Variants in SSBP3 observed in about 807,000 individuals in gnomAD.
SSBP3 encodes single-stranded DNA-binding protein 3.
Under a neutral mutation model 69.6 loss-of-function variants are expected in SSBP3, and 5 were observed. That is an observed-to-expected ratio of 0.07 (90% CI 0.04 to 0.15). The LOEUF (loss-of-function observed/expected upper bound fraction) is 0.15, where lower values mean the gene tolerates loss of function less well. Ranked by LOEUF, SSBP3 falls within the 10% of genes least tolerant of loss-of-function variation. SSBP3 has a pLI of 1.00. For synonymous variants in SSBP3, 196 were observed against 193.4 expected (o/e 1.01, Z -0.11); for missense variants, 312 against 534.0 (o/e 0.58, Z 4.10).
At chr1:54,337,024 A>T (rs2100494983) in intron 4 of SSBP3, among the ~76,000 whole-genome samples, 2 of 152,340 alleles carry the variant, frequency 1.3e-5, no homozygotes, top group East Asian at 3.9e-4. Flanking sequence ...GTATCTTGAC[A>T]GCTCTCAACG....
At chr1:54,366,513 G>T (rs1647031971) in intron 4 of SSBP3, among the ~76,000 whole-genome samples, 1 of 152,046 alleles carries the variant, frequency 6.6e-6, no homozygotes, top group East Asian at 1.9e-4. Context: ...AGTAAACTAG[G>T]GGCCTTCATT....
At chr1:54,281,826 G>A (rs1645398015) in intron 4 of SSBP3, among the ~76,000 whole-genome samples, 2 of 152,110 alleles carry the variant, frequency 1.3e-5, no homozygotes, top group South Asian at 4.1e-4. Flanking sequence ...GCCGGATGTG[G>A]TGGCTCACAA....
At chr1:54,390,906 G>A (rs1354039660) in intron 4 of SSBP3, among the ~76,000 whole-genome samples, 1 of 152,216 alleles carries the variant, frequency 6.6e-6, no homozygotes, top group Admixed American at 6.5e-5. Context: ...AAAAGCCGGC[G>A]AGCAGAGACC....
At chr1:54,292,624 C>T (rs1228706888) in intron 4 of SSBP3, among the ~76,000 whole-genome samples, 1 of 152,172 alleles carries the variant, frequency 6.6e-6, no homozygotes, top group Non-Finnish European at 1.5e-5. Context: ...GTTTGTCGCA[C>T]TCAGACCAGA....
chr1:54,372,647 A>G (rs1282777746), intron 4 of SSBP3, among the ~76,000 whole-genome samples: 1 of 150,298 alleles, frequency 6.7e-6, no homozygotes. Flanking sequence ...ATAAATGGTG[A>G]CCACGTGACT....
intron 7 of SSBP3, among the ~76,000 whole-genome samples, chr1:54,254,992 C>T (rs1387006389): frequency 6.6e-6 from 1 of 152,132 alleles, no homozygotes; most frequent in East Asian, 1.9e-4. Flanking sequence ...GCCAGCATGC[C>T]TGGCTAATTT....
intron 4 of SSBP3, among the ~76,000 whole-genome samples, chr1:54,351,884 C>T (rs1355785203): frequency 6.6e-6 from 1 of 152,200 alleles, no homozygotes; most frequent in Non-Finnish European, 1.5e-5. Context: ...TCCATCCACC[C>T]ACCCATCCAA....
intron 4 of SSBP3, among the ~76,000 whole-genome samples, chr1:54,316,236 G>A (rs564638492): frequency 5.9e-5 from 9 of 152,098 alleles, no homozygotes; most frequent in South Asian, 2.1e-4. Flanking sequence ...GTCCCAGCTC[G>A]GGAGGCTGAG....
chr1:54,230,953 A>G (rs1488944025), intron 14 of SSBP3, among the ~76,000 whole-genome samples: 1 of 152,144 alleles, frequency 6.6e-6, no homozygotes, highest in Non-Finnish European at 1.5e-5. Flanking sequence ...TCTGACTATT[A>G]TGACTAATGA....
intron 4 of SSBP3, among the ~76,000 whole-genome samples, chr1:54,389,152 G>T (rs903432391): frequency 6.6e-6 from 1 of 152,154 alleles, no homozygotes; most frequent in Non-Finnish European, 1.5e-5. Context: ...CCCCTGAGCT[G>T]ATGAGAAAGT....
At chr1:54,392,274 A>G (rs1648553945) in intron 4 of SSBP3, among the ~76,000 whole-genome samples, 1 of 152,184 alleles carries the variant, frequency 6.6e-6, no homozygotes, top group Non-Finnish European at 1.5e-5. Context: ...CTTCTAGTAC[A>G]GATCTGGAAA....
chr1:54,303,523 A>G (rs941027040), intron 4 of SSBP3, among the ~76,000 whole-genome samples: 2 of 151,986 alleles, frequency 1.3e-5, no homozygotes, highest in East Asian at 1.9e-4. Context: ...CCTGACGACA[A>G]CTCTATGAGG....
At chr1:54,254,740 T>TC (rs1297573307) in intron 7 of SSBP3, among the ~76,000 whole-genome samples, 1 of 152,220 alleles carries the variant, frequency 6.6e-6, no homozygotes, top group Non-Finnish European at 1.5e-5. Context: ...CCAGGGTCAA[T>TC]ACCTGTGGAA....
chr1:54,294,352 T>G, intron 4 of SSBP3, among the ~76,000 whole-genome samples: 1 of 151,884 alleles, frequency 6.6e-6, no homozygotes, highest in East Asian at 1.9e-4. Flanking sequence ...ACACACACCC[T>G]GCCACAAACT....
intron 4 of SSBP3, among the ~76,000 whole-genome samples, chr1:54,401,395 C>T (rs1477647601): frequency 6.6e-6 from 1 of 152,094 alleles, no homozygotes; most frequent in East Asian, 1.9e-4. Flanking sequence ...CACACACACA[C>T]ACACACACCC....
chr1:54,298,930 A>AACACACACACACACACACGCACACACAC (rs1645750147), intron 4 of SSBP3, among the ~76,000 whole-genome samples: 1 of 137,174 alleles, frequency 7.3e-6, no homozygotes, highest in African/African-American at 2.7e-5. Flanking sequence ...ACAAAAACAA[A>AACACACACACACACACACGCACACACAC]ACACACACAC....
At position 54,375,885 on chromosome 1, in the gene SSBP3, C is replaced by T. The variant is rs989058285; in HGVS notation, c.276+25976G>A. 1.9e-4 allele frequency among the ~76,000 whole-genome samples: 29 copies of T among 152,302 alleles called. 1 individual carries two copies. Among genetic ancestry groups the T allele is most frequent in the African/African-American group, 6.0e-4 (25 of 41,578 alleles). ...AAGGCAAGGCCAGCCCAGTGCCATC[C>T]GCTGCCCAGGGGGGCCACAAGGTGG... On this transcript the variant is annotated intron_variant, in intron 4 of 17. Transcript: ENST00000610401.
intron 17 of SSBP3, among the ~76,000 whole-genome samples, chr1:54,227,786 C>G (rs1172914719): frequency 6.6e-6 from 1 of 152,238 alleles, no homozygotes; most frequent in East Asian, 1.9e-4. Flanking sequence ...ACCATGTTGC[C>G]CAGGCTGGCA....
At position 54,369,694 on chromosome 1, in the gene SSBP3, T is replaced by C. The variant is rs147931164; in HGVS notation, c.276+32167A>G. 8.2e-3 allele frequency among the ~76,000 whole-genome samples: 1,252 copies of C among 152,080 alleles called. 13 individuals are homozygous for C. Among genetic ancestry groups the C allele is most frequent in the East Asian group, 0.05 (260 of 5,152 alleles). On this transcript the variant is annotated intron_variant, in intron 4 of 17. Transcript: ENST00000610401. ...CTCAACCTCCACCTCAAACCTGGTG[T>C]ACGAAGACGCTCAGAACAGAATCAG...
Sources: allele counts gnomAD v4.1 joint callset (sites outside exome capture counted in the v4.1 genomes callset), GRCh38; gene constraint gnomAD v4.1.1; transcripts MANE v1.5; gene names NCBI Gene and HGNC (gene_info 2026-07-23, HGNC 2026-07-21).